CRYGA: variants seen among roughly 807,000 people sequenced by gnomAD.
CRYGA encodes the protein gamma-crystallin A.
Under a neutral mutation model 13.8 loss-of-function variants are expected in CRYGA, and 11 were observed. The observed-to-expected ratio is 0.80, with a 90% CI of 0.50 to 1.32. CRYGA has a LOEUF of 1.32. Among genes scored for constraint, CRYGA ranks in the 40% most tolerant of loss-of-function variants. The pLI is 0.00. For missense variants in CRYGA, 271 were observed against 234.1 expected, an observed-to-expected ratio of 1.16 and a Z score of -1.03; for synonymous variants, 97 against 89.3, an observed-to-expected ratio of 1.09 and a Z score of -0.48.
rs981986667 is a variant in CRYGA at position 208,163,259 on chromosome 2, T to C, written c.197A>G (p.Tyr66Cys). Residue 66 changes from tyrosine (Y) to cysteine (C), a missense_variant, in exon 2 of 3, where the codon TAT (tyrosine) becomes TGT (cysteine). Transcript: ENST00000304502. ...YFLRRGKYPD[Y>C]QHWMGLSDSV... Reference sequence around the variant, plus strand: ...GTCGCTGAGGCCCATCCAGTGCTGATAGTCGGGGTACTTGCCTCGGCGCAG... The same window carrying C: ...GTCGCTGAGGCCCATCCAGTGCTGACAGTCGGGGTACTTGCCTCGGCGCAG... 1 of 1,613,888 alleles carries C rather than the reference T, an allele frequency of 6.2e-7. No homozygotes were observed. Among genetic ancestry groups the C allele is most frequent in the Non-Finnish European group, 8.5e-7 (1 of 1,180,014 alleles).
At chr2:208,161,295 C>T (rs1411682522) in intron 2 of CRYGA, among the ~76,000 whole-genome samples, 1 of 151,810 alleles carries the variant, frequency 6.6e-6, no homozygotes, top group African/African-American at 2.4e-5. Context: ...ACCTCAGCCC[C>T]CCAAGTAGCT....
At chr2:208,161,687 T>C (rs1695761493) in intron 2 of CRYGA, among the ~76,000 whole-genome samples, 1 of 152,164 alleles carries the variant, frequency 6.6e-6, no homozygotes, top group African/African-American at 2.4e-5. Flanking sequence ...AGTCAGTGAG[T>C]CTGTAGTGAG....
At position 208,163,188 on chromosome 2, in the gene CRYGA, T is replaced by C. The variant is rs77906750; in HGVS notation, c.252+16A>G. 10 of 1,605,322 alleles carry C rather than the reference T, an allele frequency of 6.2e-6. No individual in the cohort carries two copies. Among genetic ancestry groups the C allele is most frequent in the African/African-American group, 1.3e-5 (1 of 74,658 alleles). On this transcript the variant is annotated intron_variant, in intron 2 of 2. Transcript: ENST00000304502. The stretch of plus-strand genomic sequence containing the variant: ...CATTGATGCTTTCACATCAGTCAAG[T>C]TGAAGCAAGACTCACATGAGGAATT...
In CRYGA at chr2:208,161,008, ATCAGTGAGC is replaced by A. The variant is rs1349110688; in HGVS notation, c.312_320del (p.Glu104_Thr106del). On this transcript the variant is annotated inframe_deletion, in exon 3 of 3. Transcript: ENST00000304502. ...ACAGTTCTGGAACACAGGCGCAGTCATCAGTGAGCTCAGACATAAGGCCTCGGTAGTCAT... is the reference window on the plus strand; with the variant it reads ...ACAGTTCTGGAACACAGGCGCAGTCATCAGACATAAGGCCTCGGTAGTCAT... 4 of 1,614,092 alleles carry A rather than the reference ATCAGTGAGC, an allele frequency of 2.5e-6. No individual in the cohort carries two copies. The highest frequency in any genetic ancestry group is 3.4e-6 in the Non-Finnish European group (4 of 1,179,960).
chr2:208,163,062 TTA>T (rs1371804002), intron 2 of CRYGA, 140 bp downstream of exon 2: 4 of 654,996 alleles, frequency 6.1e-6, no homozygotes, highest in Non-Finnish European at 1.0e-5. Context: ...CTTTTTTTTT[TTA>T]TATATGTTTG....
At position 208,160,768 on chromosome 2, in the gene CRYGA, A is replaced by G. The variant is rs1180508420; in HGVS notation, c.*36T>C. 7.0e-6 allele frequency: 9 copies of G among 1,277,226 alleles called. No homozygotes were observed. The Admixed American group carries it at 1.2e-4, about 18-fold the overall frequency. The allele number at this position is 1,277,226 out of a possible 1,614,324, so 79.1% of individuals were successfully genotyped here. A position where few individuals can be genotyped will look rare whatever the true frequency, so the allele number is the denominator to read the frequency against. On this transcript the variant is annotated 3_prime_UTR_variant, in exon 3 of 3. Coordinates refer to ENST00000304502, the MANE Select transcript of CRYGA (RefSeq NM_014617.4). Reference sequence around the variant, plus strand: ...AGGGAACACAACTTGTATATTTATTATGTTTCTATGGGGATCACAACAAGG... The same window carrying G: ...AGGGAACACAACTTGTATATTTATTGTGTTTCTATGGGGATCACAACAAGG...
intron 2 of CRYGA, among the ~76,000 whole-genome samples, chr2:208,161,739 T>A (rs1695763843): frequency 1.3e-5 from 2 of 152,094 alleles, no homozygotes; most frequent in South Asian, 4.1e-4. Context: ...TATAATTGAG[T>A]CTTATCAAGC....
rs750806292 is a variant in CRYGA at position 208,163,281 on chromosome 2, G to A, written c.175C>T (p.Arg59Cys). 8.7e-6 allele frequency: 14 copies of A among 1,614,028 alleles called. No homozygotes were observed. Among genetic ancestry groups the A allele is most frequent in the Admixed American group, 5.0e-5 (3 of 60,004 alleles). Reference protein sequence around the residue: ...PNYQGHQYFLRRGKYPDYQHW... With the variant: ...PNYQGHQYFLCRGKYPDYQHW... ...TGATAGTCGGGGTACTTGCCTCGGC[G>A]CAGGAAGTACTGGTGGCCCTGGTAA... Residue 59 changes from arginine (R) to cysteine (C), a missense_variant, in exon 2 of 3, where the codon CGC becomes TGC. By Grantham distance (180) the Arg-to-Cys change is radical. Transcript: ENST00000304502.
chr2:208,163,286 A>G lies in CRYGA; in HGVS notation c.170T>C (p.Phe57Ser), dbSNP rs1396258449. 3.7e-6 allele frequency: 6 copies of G among 1,613,918 alleles called. No individual in the cohort carries two copies. Residue 57 changes from phenylalanine to serine, a missense_variant, in exon 2 of 3, where the codon TTC becomes TCC. Physicochemically the swap from Phe to Ser is radical, Grantham distance 155. Transcript: ENST00000304502. ...ERPNYQGHQY[F>S]LRRGKYPDYQ... ...GTCGGGGTACTTGCCTCGGCGCAGG[A>G]AGTACTGGTGGCCCTGGTAATTGGG...
At chr2:208,162,878 ACTTTT>A (rs1294851108) in intron 2 of CRYGA, among the ~76,000 whole-genome samples, 1 of 145,816 alleles carries the variant, frequency 6.9e-6, no homozygotes, top group Non-Finnish European at 1.5e-5. Context: ...AACTAGATAG[ACTTTT>A]CTTTTTTTTC....
At chr2:208,161,158 T>C in intron 2 of CRYGA, 82 bp from the exon 3 acceptor site, 1 of 1,331,444 alleles carries the variant, frequency 7.5e-7, no homozygotes, top group Non-Finnish European at 1.0e-6. Context: ...TCAGTCTGCA[T>C]CTTCATGAAG....
intron 2 of CRYGA, among the ~76,000 whole-genome samples, chr2:208,162,832 C>T (rs1049794350): frequency 6.8e-6 from 1 of 147,414 alleles, no homozygotes; most frequent in South Asian, 2.1e-4. Context: ...AGAGCGAAAG[C>T]GAAGTTCTGT....
intron 2 of CRYGA, among the ~76,000 whole-genome samples, chr2:208,162,382 T>G (rs1695777060): frequency 6.6e-6 from 1 of 152,238 alleles, no homozygotes. Context: ...ATTGTGTGTC[T>G]CTGATATTTA....
intron 2 of CRYGA, 116 bp downstream of exon 2, chr2:208,163,088 G>C: frequency 2.4e-6 from 2 of 825,714 alleles, no homozygotes; most frequent in South Asian, 3.3e-5. Context: ...GTCAGGCCTT[G>C]CTATTCTTAC....
intron 2 of CRYGA, 22 bp downstream of exon 2, chr2:208,163,182 G>T (rs1187905083): frequency 1.3e-6 from 2 of 1,594,628 alleles, no homozygotes; most frequent in African/African-American, 2.7e-5. Flanking sequence ...TTTCACATCA[G>T]TCAAGTTGAA....
chr2:208,163,110 A>G, intron 2 of CRYGA, 94 bp downstream of exon 2: 1 of 1,038,520 alleles, frequency 9.6e-7, no homozygotes, highest in Non-Finnish European at 1.5e-6. Context: ...GTGAACACTC[A>G]TCCTGTGTTG....
In CRYGA at chr2:208,161,090, A is replaced by C. The variant is rs1695749464; in HGVS notation, c.253-14T>G. The C allele has an allele frequency of 1.2e-6, 2 of 1,609,480 alleles. No homozygotes were observed. The highest frequency in any genetic ancestry group is 1.7e-6 in the Non-Finnish European group (2 of 1,176,378). Reference sequence around the variant, plus strand: ...GTGCGAGCTGGTCTGTCATGGCAATAAACAAAAGAACAAAAATAAACAGCA... The same window carrying C: ...GTGCGAGCTGGTCTGTCATGGCAATCAACAAAAGAACAAAAATAAACAGCA... On this transcript the variant is annotated splice_polypyrimidine_tract_variant and intron_variant, in intron 2 of 2. Coordinates refer to ENST00000304502, the MANE Select transcript of CRYGA (RefSeq NM_014617.4).
chr2:208,162,700 A>T (rs796278), intron 2 of CRYGA, among the ~76,000 whole-genome samples: 43,249 of 151,790 alleles, frequency 0.28, 6,662 homozygotes, highest in East Asian at 0.54. Context: ...TTAGCTGGGC[A>T]TGGTGGCACA....
chr2:208,163,569 A>C lies in CRYGA; in HGVS notation c.-13T>G, dbSNP rs1034955367. 6.8e-6 allele frequency: 11 copies of C among 1,609,424 alleles called. No individual in the cohort carries two copies. Among genetic ancestry groups the C allele is most frequent in the Non-Finnish European group, 9.3e-6 (11 of 1,178,862 alleles). On this transcript the variant is annotated 5_prime_UTR_variant, in exon 1 of 3. Coordinates refer to ENST00000304502, the MANE Select transcript of CRYGA (RefSeq NM_014617.4). The stretch of plus-strand genomic sequence containing the variant: ...TCACCTTCCCCATGGTTGTTGACAG[A>C]GGGTGATTAGCATCTAGTATGATAG...
Sources: allele counts gnomAD v4.1 joint callset (sites outside exome capture counted in the v4.1 genomes callset), GRCh38; gene constraint gnomAD v4.1.1; transcripts MANE v1.5; gene names NCBI Gene and HGNC (gene_info 2026-07-23, HGNC 2026-07-21).